Variants in PRKD1 observed in about 807,000 individuals in gnomAD.
PRKD1 encodes the protein protein kinase D1.
A neutral mutation model predicts 95.9 loss-of-function variants in PRKD1; 63 were observed. The observed-to-expected ratio is 0.66, with a 90% CI of 0.54 to 0.81. PRKD1 has a LOEUF of 0.81. PRKD1 is among the 30% of genes least tolerant of loss of function. The pLI is 0.00. For synonymous variants in PRKD1, 425 were observed against 423.1 expected, an observed-to-expected ratio of 1.00 and a Z score of -0.05; for missense variants, 1,048 against 1,165.3, an observed-to-expected ratio of 0.90 and a Z score of 1.47.
At chr14:29,727,155 G>A (rs1443792550) in intron 1 of PRKD1, among the ~76,000 whole-genome samples, 1 of 152,058 alleles carries the variant, frequency 6.6e-6, no homozygotes, top group Non-Finnish European at 1.5e-5. Flanking sequence ...GCCAGTGATG[G>A]TGAGCATTTT....
At chr14:29,769,565 AAAAT>A (rs534074403) in intron 1 of PRKD1, among the ~76,000 whole-genome samples, 1 of 152,124 alleles carries the variant, frequency 6.6e-6, no homozygotes, top group Non-Finnish European at 1.5e-5. Flanking sequence ...TCTCCCGAAA[AAAAT>A]AAATAAATAA....
At position 29,804,865 on chromosome 14, in the gene PRKD1, AT is replaced by A. The variant is rs567401031; in HGVS notation, c.265-79192del. Among the ~76,000 whole-genome samples the A allele has an allele frequency of 3.2e-3, 482 of 152,274 alleles. 1 individual carries two copies. The highest frequency in any genetic ancestry group is 5.6e-3 in the Non-Finnish European group (380 of 68,012). On this transcript the variant is annotated intron_variant, in intron 1 of 17. Transcript: ENST00000331968. ...CCTAAGCCGTACTTTTAATCATGAC[AT>A]TAATCGATAACAATTACACCCAAGA...
chr14:29,676,178 T>G (rs1437490573), intron 2 of PRKD1, among the ~76,000 whole-genome samples: 12 of 64,674 alleles, frequency 1.9e-4, no homozygotes, highest in African/African-American at 9.6e-4. Context: ...GTTCATTACG[T>G]TTTTGTTTTT....
Position 29,927,703 on chromosome 14 carries a change from G to C in PRKD1, c.-191C>G, listed in dbSNP as rs899556392. On this transcript the variant is annotated 5_prime_UTR_variant, in exon 1 of 18. Coordinates refer to ENST00000331968, the MANE Select transcript of PRKD1 (RefSeq NM_002742.3). The stretch of plus-strand genomic sequence containing the variant: ...GATCGGGAGGGGAGGGGACTAAGGG[G>C]AGGAGATGGGGAGGAGGGAAAATGG... 9.0e-6 allele frequency: 2 copies of C among 222,138 alleles called. No homozygotes were observed. Among genetic ancestry groups the C allele is most frequent in the African/African-American group, 2.3e-5 (1 of 42,924 alleles). 13.8% of individuals were successfully genotyped at this position (222,138 alleles called of 1,614,324 possible). A position where few individuals can be genotyped will look rare whatever the true frequency, so the allele number is the denominator to read the frequency against.
At chr14:29,714,229 ACT>A (rs1885482012) in intron 2 of PRKD1, among the ~76,000 whole-genome samples, 1 of 152,190 alleles carries the variant, frequency 6.6e-6, no homozygotes, top group African/African-American at 2.4e-5. Flanking sequence ...TAAGGAAATC[ACT>A]GGGTGATATA....
chr14:29,831,520 G>A (rs144458720), intron 1 of PRKD1, among the ~76,000 whole-genome samples: 1 of 150,018 alleles, frequency 6.7e-6, no homozygotes, highest in East Asian at 2.0e-4. Flanking sequence ...CCAGGCTGGA[G>A]TGCAATGGCC....
intron 1 of PRKD1, among the ~76,000 whole-genome samples, chr14:29,735,292 T>C (rs367844329): frequency 3.6e-4 from 55 of 152,312 alleles, no homozygotes; most frequent in African/African-American, 1.2e-3. Context: ...AATTATCATA[T>C]AACTCTCAGG....
chr14:29,595,845 TA>T (rs1428431010), intron 16 of PRKD1, among the ~76,000 whole-genome samples: 1 of 152,246 alleles, frequency 6.6e-6, no homozygotes, highest in Non-Finnish European at 1.5e-5. Flanking sequence ...CAAGTTATTT[TA>T]CTGGATTTCT....
intron 1 of PRKD1, among the ~76,000 whole-genome samples, chr14:29,773,054 G>A (rs1888579771): frequency 6.6e-6 from 1 of 152,136 alleles, no homozygotes; most frequent in Non-Finnish European, 1.5e-5. Flanking sequence ...ATCTTAAAAT[G>A]TTTGCACTGT....
intron 1 of PRKD1, among the ~76,000 whole-genome samples, chr14:29,870,987 T>C (rs1457371971): frequency 6.6e-6 from 1 of 152,236 alleles, no homozygotes; most frequent in Non-Finnish European, 1.5e-5. Context: ...CCTTCTACCT[T>C]TGCTATTTCA....
intron 1 of PRKD1, among the ~76,000 whole-genome samples, chr14:29,801,391 G>A (rs575174505): frequency 6.6e-6 from 1 of 152,276 alleles, no homozygotes; most frequent in South Asian, 2.1e-4. Context: ...AAGTTGACAC[G>A]TGTAGCTAGC....
At chr14:29,653,056 AC>A in intron 4 of PRKD1, among the ~76,000 whole-genome samples, 1 of 152,310 alleles carries the variant, frequency 6.6e-6, no homozygotes, top group South Asian at 2.1e-4. Flanking sequence ...TGTTCTATGA[AC>A]GTATGCAGCC....
At chr14:29,920,894 T>G (rs1490801175) in intron 1 of PRKD1, among the ~76,000 whole-genome samples, 2 of 152,162 alleles carry the variant, frequency 1.3e-5, no homozygotes, top group African/African-American at 4.8e-5. Flanking sequence ...GATGGAACAA[T>G]TTAGCAAACA....
In PRKD1 at chr14:29,760,205, T is replaced by C. The variant is rs904080683; in HGVS notation, c.265-34531A>G. On this transcript the variant is annotated intron_variant, in intron 1 of 17. Transcript: ENST00000331968. ...ATATTGGAGAAATTGTTCTACATTC[T>C]AATTTGCATAGTCACTTCTTTATGC... Among the ~76,000 whole-genome samples, 3 of 152,318 alleles carry C rather than the reference T, an allele frequency of 2.0e-5. No individual in the cohort carries two copies. In the East Asian group the frequency reaches 5.8e-4, roughly 29 times the overall value.
At chr14:29,597,984 A>G (rs1893372067) in intron 15 of PRKD1, among the ~76,000 whole-genome samples, 1 of 152,190 alleles carries the variant, frequency 6.6e-6, no homozygotes, top group Non-Finnish European at 1.5e-5. Context: ...TCATCTAAAC[A>G]GTCTCCCTTG....
chr14:29,896,314 T>C (rs1894122278), intron 1 of PRKD1, among the ~76,000 whole-genome samples: 1 of 152,118 alleles, frequency 6.6e-6, no homozygotes, highest in African/African-American at 2.4e-5. Context: ...CTGTTTTCCA[T>C]TAACGTTTCC....
intron 1 of PRKD1, among the ~76,000 whole-genome samples, chr14:29,807,587 G>C (rs1173018174): frequency 6.6e-6 from 1 of 151,904 alleles, no homozygotes; most frequent in Admixed American, 6.6e-5. Flanking sequence ...TTCTAGAGAT[G>C]AGGTTTCGCC....
In PRKD1 at chr14:29,904,846, C is replaced by T. The variant is rs545319236; in HGVS notation, c.264+22403G>A. The stretch of plus-strand genomic sequence containing the variant: ...TTAAAGAGGCAGTACAAGAATGATA[C>T]CTAAATCCTAACACTCCTATTGTAA... On this transcript the variant is annotated intron_variant, in intron 1 of 17. Coordinates refer to ENST00000331968, the MANE Select transcript of PRKD1 (RefSeq NM_002742.3). Among the ~76,000 whole-genome samples, 67 of 152,228 alleles carry T rather than the reference C, an allele frequency of 4.4e-4. No homozygotes were observed. The South Asian group carries it at 0.014, about 31-fold the overall frequency.
chr14:29,639,245 A>T (rs901603317), intron 4 of PRKD1, among the ~76,000 whole-genome samples: 3 of 152,232 alleles, frequency 2.0e-5, no homozygotes, highest in East Asian at 1.9e-4. Flanking sequence ...TATATCATTG[A>T]CATTTTTTAC....
Sources: gnomAD v4.1 joint callset for allele counts (sites outside exome capture counted in the v4.1 genomes callset) on GRCh38, gnomAD v4.1.1 for gene constraint, MANE v1.5 for transcripts, NCBI Gene and HGNC (gene_info 2026-07-23, HGNC 2026-07-21) for gene names.